CEP89: variants seen among roughly 807,000 people sequenced by gnomAD.
CEP89 encodes centrosomal protein 89.
Under a neutral mutation model 97.6 loss-of-function variants are expected in CEP89, and 95 were observed. The ratio of observed to expected loss-of-function variants is 0.97; its 90% CI spans 0.82 to 1.15. The LOEUF is 1.15. Among genes scored for constraint, CEP89 ranks in the 50% most tolerant of loss-of-function variants. The pLI, the probability that CEP89 is intolerant of heterozygous loss-of-function variation, is 0.00. For synonymous variants in CEP89, 354 were observed against 349.1 expected (o/e 1.01, Z -0.16); for missense variants, 869 against 947.7 (o/e 0.92, Z 1.09).
At position 32,933,589 on chromosome 19, in the gene CEP89, G is replaced by T; in HGVS notation, c.748C>A (p.Leu250Ile). 1 of 1,612,954 alleles carries T rather than the reference G, an allele frequency of 6.2e-7. No individual in the cohort carries two copies. Among genetic ancestry groups the T allele is most frequent in the South Asian group, 1.1e-5 (1 of 91,050 alleles). Residue 250 changes from leucine (L) to isoleucine (I), a missense_variant, in exon 8 of 19, where the codon CTA (leucine) becomes ATA (isoleucine). Transcript: ENST00000305768. ...GTAAGGCTTTGATTCATATTGTTTA[G>T]GTCCATATTTTCTTCTTTTAATGCC... ...FEALKEENMDLNNMNQSLTLE... is the reference protein window; with the variant it reads ...FEALKEENMDINNMNQSLTLE...
chr19:32,967,199 T>C (rs1971301718), intron 1 of CEP89, among the ~76,000 whole-genome samples: 1 of 152,166 alleles, frequency 6.6e-6, no homozygotes, highest in South Asian at 2.1e-4. Flanking sequence ...GGGCTTAATA[T>C]AAGCTTTTAG....
At position 32,881,882 on chromosome 19, in the gene CEP89, G is replaced by C. The variant is rs776400346; in HGVS notation, c.2097C>G (p.Asp699Glu). Residue 699 changes from aspartate (D) to glutamate (E), a missense_variant, in exon 18 of 19, where the codon GAC becomes GAG. Coordinates refer to ENST00000305768, the MANE Select transcript of CEP89 (RefSeq NM_032816.5). ...EMRHLHQVLK[D>E]KQEVLDQALQ... ...GCGCCTGGTCCAGCACCTCCTGCTTGTCCTTCAGCACCTGGTGCAGGTGCC... is the reference window on the plus strand; with the variant it reads ...GCGCCTGGTCCAGCACCTCCTGCTTCTCCTTCAGCACCTGGTGCAGGTGCC... 1.9e-6 allele frequency: 3 copies of C among 1,606,192 alleles called. No individual in the cohort carries two copies. The African/African-American group carries it at 4.0e-5, about 21-fold the overall frequency.
chr19:32,949,341 A>G (rs1307359313), intron 4 of CEP89, among the ~76,000 whole-genome samples: 1 of 151,928 alleles, frequency 6.6e-6, no homozygotes, highest in Admixed American at 6.6e-5. Flanking sequence ...GGGGGTAGGG[A>G]CAGAGGCTGC....
At position 32,953,692 on chromosome 19, in the gene CEP89, C is replaced by T. The variant is rs1568578267; in HGVS notation, c.415G>A (p.Glu139Lys). 1.9e-6 allele frequency: 3 copies of T among 1,614,072 alleles called. No individual in the cohort carries two copies. The highest frequency in any genetic ancestry group is 2.5e-6 in the Non-Finnish European group (3 of 1,179,948). ...IETQLSSSGKELGDVSAREDR... is the reference protein window; with the variant it reads ...IETQLSSSGKKLGDVSAREDR... ...TCCCGGGCACTGACATCCCCCAATTCCTTGCCGCTGGATGACAGCTGAGTT... is the reference window on the plus strand; with the variant it reads ...TCCCGGGCACTGACATCCCCCAATTTCTTGCCGCTGGATGACAGCTGAGTT... Residue 139 changes from glutamate to lysine, a missense_variant, in exon 4 of 19, where the codon GAA becomes AAA. Physicochemically the swap from Glu to Lys is moderately conservative, Grantham distance 56. Transcript: ENST00000305768.
In CEP89 at chr19:32,878,087, A is replaced by AT. The variant is rs917997738; in HGVS notation, c.*1074dup. 8 of 150,546 alleles carry AT rather than the reference A, an allele frequency of 5.3e-5. No homozygotes were observed. The East Asian group carries it at 9.8e-4, about 18-fold the overall frequency. 9.3% of individuals were successfully genotyped at this position (150,546 alleles called of 1,614,324 possible). On this transcript the variant is annotated 3_prime_UTR_variant, in exon 19 of 19. Transcript: ENST00000305768. ...GAGCCACCATGGCTGGCCTACAAAA[A>AT]TTTTTTTTTTACAAAATTAGCCAGG... is the stretch of plus-strand genomic sequence containing the variant.
At chr19:32,907,454 T>C (rs1207438830) in intron 14 of CEP89, among the ~76,000 whole-genome samples, 4 of 124,790 alleles carry the variant, frequency 3.2e-5, no homozygotes, top group South Asian at 2.9e-4. Context: ...GTGGTTTCTC[T>C]ATTTTTTTTT....
chr19:32,914,592 G>C (rs964855317), intron 14 of CEP89, among the ~76,000 whole-genome samples: 1 of 151,868 alleles, frequency 6.6e-6, no homozygotes, highest in African/African-American at 2.4e-5. Flanking sequence ...ATTTTAAATT[G>C]CCTTTGGTTC....
At chr19:32,890,092 T>A (rs995589865) in intron 16 of CEP89, among the ~76,000 whole-genome samples, 3 of 152,140 alleles carry the variant, frequency 2.0e-5, no homozygotes, top group Admixed American at 6.5e-5. Context: ...CACACTCTTA[T>A]CAGCAATTAT....
intron 14 of CEP89, 23 bp downstream of exon 14, chr19:32,915,314 A>G (rs1456324022): frequency 3.2e-6 from 5 of 1,560,138 alleles, no homozygotes; most frequent in Non-Finnish European, 4.3e-6. Flanking sequence ...AAAAAAAAAA[A>G]AGAAAAAACA....
At chr19:32,971,560 G>A in intron 1 of CEP89, 1 of 580,792 alleles carries the variant, frequency 1.7e-6, no homozygotes, top group South Asian at 2.2e-5. Flanking sequence ...GGGAGGCTGG[G>A]GTGGGAAGAT....
At chr19:32,887,903 T>C in intron 16 of CEP89, 62 bp from the exon 17 acceptor site, 1 of 991,704 alleles carries the variant, frequency 1.0e-6, no homozygotes, top group Admixed American at 1.9e-5. Context: ...AACAAACAAT[T>C]ATTTTGCAAA....
In CEP89 at chr19:32,879,367, C is replaced by T; in HGVS notation, c.2147G>A (p.Gly716Asp). The T allele has an allele frequency of 6.2e-7, 1 of 1,613,716 alleles. No homozygotes were observed. The highest frequency in any genetic ancestry group is 8.5e-7 in the Non-Finnish European group (1 of 1,179,582). The change falls in exon 19 of 19, where the codon GGT (glycine) becomes GAT (aspartate). Residue 716 changes from glycine (G) to aspartate (D), a missense_variant. By Grantham distance (94) the Gly-to-Asp change is moderately conservative. Coordinates refer to ENST00000305768, the MANE Select transcript of CEP89 (RefSeq NM_032816.5). ...QALQQNREME[G>D]ELEVIWESTF... The stretch of plus-strand genomic sequence containing the variant: ...AGATTCCCAAATAACTTCAAGTTCA[C>T]CTTCCATTTCTCTGAGGGAAATAAG...
chr19:32,918,254 TG>T lies in CEP89; in HGVS notation c.1353del (p.Lys452ArgfsTer14). 4 of 1,614,204 alleles carry T rather than the reference TG, an allele frequency of 2.5e-6. No individual in the cohort carries two copies. The highest frequency in any genetic ancestry group is 3.4e-6 in the Non-Finnish European group (4 of 1,180,018). ...TGGAGGCGCTCCTGGTGGCTGTCCTTGGCTTTCCTTTGCTGAATCTCCAACT... is the reference window on the plus strand; with the variant it reads ...TGGAGGCGCTCCTGGTGGCTGTCCTTGCTTTCCTTTGCTGAATCTCCAACT... ...LEQLEIQQRK[A>X]KDSHQERLQE... On this transcript the variant is annotated frameshift_variant, in exon 13 of 19. Coordinates refer to ENST00000305768, the MANE Select transcript of CEP89 (RefSeq NM_032816.5). LOFTEE classifies it high-confidence loss of function.
At chr19:32,956,049 C>CT (rs202179963) in intron 3 of CEP89, among the ~76,000 whole-genome samples, 12,279 of 104,782 alleles carry the variant, frequency 0.12, 1,593 homozygotes, top group Non-Finnish European at 0.18. Context: ...CAATTTGGTT[C>CT]TTTTTTTTTT....
chr19:32,915,493 A>G lies in CEP89; in HGVS notation c.1409T>C (p.Met470Thr), dbSNP rs766882405. Residue 470 changes from methionine to threonine, a missense_variant, in exon 14 of 19, where the codon ATG (methionine) becomes ACG (threonine). Met to Thr is a moderately conservative substitution (Grantham distance 81). Coordinates refer to ENST00000305768, the MANE Select transcript of CEP89 (RefSeq NM_032816.5). ...GCCGTGGGTTTTTGCCTCCAGGAGC[A>G]TTAGTTGTTTAGTCAGCTTAGAAAC... Reference protein sequence around the residue: ...QEVSKLTKQLMLLEAKTHGQE... With the variant: ...QEVSKLTKQLTLLEAKTHGQE... The G allele has an allele frequency of 1.9e-6, 3 of 1,611,630 alleles. No homozygotes were observed. The highest frequency in any genetic ancestry group is 2.2e-5 in the South Asian group (2 of 90,144).
intron 14 of CEP89, among the ~76,000 whole-genome samples, chr19:32,911,200 C>T (rs1969993057): frequency 6.6e-6 from 1 of 152,156 alleles, no homozygotes; most frequent in Non-Finnish European, 1.5e-5. Context: ...ATATGTGGTC[C>T]ATTGTTGACT....
At chr19:32,886,823 T>G (rs1568543721) in intron 17 of CEP89, among the ~76,000 whole-genome samples, 1 of 149,962 alleles carries the variant, frequency 6.7e-6, no homozygotes, top group Non-Finnish European at 1.5e-5. Context: ...AGTCCCCTCA[T>G]AAACAGCATG....
intron 11 of CEP89, among the ~76,000 whole-genome samples, chr19:32,923,866 C>T (rs186344216): frequency 2.6e-5 from 4 of 152,256 alleles, no homozygotes; most frequent in Admixed American, 1.3e-4. Context: ...TGCCCATCAA[C>T]GCTGACATTT....
intron 3 of CEP89, among the ~76,000 whole-genome samples, chr19:32,956,757 T>C (rs945819853): frequency 2.0e-5 from 3 of 152,238 alleles, no homozygotes; most frequent in African/African-American, 4.8e-5. Flanking sequence ...GTTCTATTAA[T>C]ATTATTTTGC....
Sources: gnomAD v4.1 joint callset for allele counts (sites outside exome capture counted in the v4.1 genomes callset) on GRCh38, gnomAD v4.1.1 for gene constraint, MANE v1.5 for transcripts, NCBI Gene and HGNC (gene_info 2026-07-23, HGNC 2026-07-21) for gene names.